Variants in SLC9A9 observed in about 807,000 individuals in gnomAD.
The protein encoded by SLC9A9 is solute carrier family 9 member A9.
Under a neutral mutation model 77.8 loss-of-function variants are expected in SLC9A9, and 62 were observed. The ratio of observed to expected loss-of-function variants is 0.80; its 90% CI spans 0.65 to 0.98. The LOEUF is 0.98. SLC9A9 is among the 50% of genes least tolerant of loss of function. The pLI, the probability that SLC9A9 is intolerant of heterozygous loss-of-function variation, is 0.00. For missense variants in SLC9A9, 775 were observed against 774.9 expected (o/e 1.00, Z 0.00); for synonymous variants, 320 against 283.5 (o/e 1.13, Z -1.29).
At chr3:143,790,180 C>A (rs1475376169) in intron 4 of SLC9A9, among the ~76,000 whole-genome samples, 1 of 152,142 alleles carries the variant, frequency 6.6e-6, no homozygotes, top group Non-Finnish European at 1.5e-5. Context: ...GAAGAGGTGC[C>A]TTCTGCCATG....
At chr3:143,523,550 G>A (rs191423629) in intron 9 of SLC9A9, among the ~76,000 whole-genome samples, 9 of 152,280 alleles carry the variant, frequency 5.9e-5, no homozygotes, top group African/African-American at 1.7e-4. Flanking sequence ...AAGACACAGC[G>A]TGAATCCCAG....
intron 11 of SLC9A9, among the ~76,000 whole-genome samples, chr3:143,475,296 G>A (rs186063190): frequency 1.4e-4 from 22 of 151,806 alleles, no homozygotes; most frequent in Admixed American, 3.9e-4. Flanking sequence ...GATCACCATC[G>A]GAAATGATCT....
At chr3:143,761,607 C>G (rs902098720) in intron 4 of SLC9A9, among the ~76,000 whole-genome samples, 7 of 152,120 alleles carry the variant, frequency 4.6e-5, no homozygotes, top group Admixed American at 4.6e-4. Flanking sequence ...TCATCACTGG[C>G]CATCAGAGAA....
intron 6 of SLC9A9, among the ~76,000 whole-genome samples, chr3:143,651,928 G>A (rs767508876): frequency 2.0e-5 from 3 of 152,086 alleles, no homozygotes; most frequent in Non-Finnish European, 4.4e-5. Context: ...CTTATATAAG[G>A]CGAAAAATTA....
At chr3:143,318,469 A>G (rs1443573795) in intron 14 of SLC9A9, among the ~76,000 whole-genome samples, 1 of 152,194 alleles carries the variant, frequency 6.6e-6, no homozygotes, top group Non-Finnish European at 1.5e-5. Context: ...GAGAAAAGTG[A>G]TTTGCTTGTT....
In SLC9A9 at chr3:143,597,470, G is replaced by T. The variant is rs372849767; in HGVS notation, c.756-18747C>A. ...CTGAAGGCAAGGGAGAACTGGCCTCGCAACCTTGCGTGGGGGTGGCCAATT... is the reference window on the plus strand; with the variant it reads ...CTGAAGGCAAGGGAGAACTGGCCTCTCAACCTTGCGTGGGGGTGGCCAATT... On this transcript the variant is annotated intron_variant, in intron 6 of 15. Transcript: ENST00000316549. Among the ~76,000 whole-genome samples the T allele has an allele frequency of 4.6e-5, 7 of 152,328 alleles. No homozygotes were observed. In the South Asian group the frequency reaches 6.2e-4, roughly 14 times the overall value.
At chr3:143,785,711 A>T (rs2008027822) in intron 4 of SLC9A9, among the ~76,000 whole-genome samples, 1 of 152,028 alleles carries the variant, frequency 6.6e-6, no homozygotes, top group Non-Finnish European at 1.5e-5. Context: ...GTGTGTGTAG[A>T]AGCAGAGTCA....
chr3:143,637,527 C>G (rs1455291133), intron 6 of SLC9A9, among the ~76,000 whole-genome samples: 1 of 152,050 alleles, frequency 6.6e-6, no homozygotes, highest in Non-Finnish European at 1.5e-5. Context: ...TTCAGCTTAT[C>G]CCTGTTTTGT....
chr3:143,781,629 T>C (rs1187128943), intron 4 of SLC9A9, among the ~76,000 whole-genome samples: 1 of 152,208 alleles, frequency 6.6e-6, no homozygotes, highest in Non-Finnish European at 1.5e-5. Context: ...GAAATCACGC[T>C]TACATTTTTA....
At chr3:143,492,504 C>CTAGGA (rs1462525250) in intron 11 of SLC9A9, among the ~76,000 whole-genome samples, 2 of 152,118 alleles carry the variant, frequency 1.3e-5, no homozygotes, top group Non-Finnish European at 2.9e-5. Context: ...ATGGACCAGG[C>CTAGGA]TAGGATGGCA....
chr3:143,617,482 T>A (rs1235479748), intron 6 of SLC9A9, among the ~76,000 whole-genome samples: 1 of 152,258 alleles, frequency 6.6e-6, no homozygotes, highest in African/African-American at 2.4e-5. Flanking sequence ...GTGGGCTTCA[T>A]CTGATTGCTA....
At chr3:143,615,874 C>CT (rs1337101881) in intron 6 of SLC9A9, among the ~76,000 whole-genome samples, 3 of 148,136 alleles carry the variant, frequency 2.0e-5, no homozygotes, top group Non-Finnish European at 4.5e-5. Context: ...AAATTTATAA[C>CT]TTTAAATTTC....
intron 12 of SLC9A9, among the ~76,000 whole-genome samples, chr3:143,433,420 T>G (rs1390147472): frequency 6.6e-6 from 1 of 152,204 alleles, no homozygotes; most frequent in African/African-American, 2.4e-5. Context: ...TGATAAGCAC[T>G]TCAGCAGATC....
chr3:143,697,695 C>T (rs1933680560), intron 4 of SLC9A9, among the ~76,000 whole-genome samples: 1 of 151,020 alleles, frequency 6.6e-6, no homozygotes, highest in Admixed American at 6.6e-5. Flanking sequence ...TGAGTACACA[C>T]ACACACACAC....
chr3:143,405,791 A>T (rs1216829334), intron 12 of SLC9A9, among the ~76,000 whole-genome samples: 1 of 152,216 alleles, frequency 6.6e-6, no homozygotes, highest in East Asian at 1.9e-4. Flanking sequence ...TTTTCATAAC[A>T]TTGAAACAGC....
At chr3:143,673,515 A>G (rs1320384533) in intron 5 of SLC9A9, among the ~76,000 whole-genome samples, 1 of 151,896 alleles carries the variant, frequency 6.6e-6, no homozygotes, top group Non-Finnish European at 1.5e-5. Flanking sequence ...ATACCAATCC[A>G]AATACAAATC....
chr3:143,412,927 G>T (rs1372623300), intron 12 of SLC9A9, among the ~76,000 whole-genome samples: 1 of 152,006 alleles, frequency 6.6e-6, no homozygotes, highest in Non-Finnish European at 1.5e-5. Context: ...GACCAATTCT[G>T]ATTTTTTCTT....
At chr3:143,393,402 T>G (rs1040894544) in intron 12 of SLC9A9, among the ~76,000 whole-genome samples, 2 of 152,026 alleles carry the variant, frequency 1.3e-5, no homozygotes, top group East Asian at 3.8e-4. Context: ...TTGAAACCAA[T>G]GAGAACAAAG....
intron 6 of SLC9A9, among the ~76,000 whole-genome samples, chr3:143,622,414 C>T (rs1247383185): frequency 6.6e-6 from 1 of 152,214 alleles, no homozygotes; most frequent in Non-Finnish European, 1.5e-5. Flanking sequence ...AACAGCTGAT[C>T]TCTCGGCAGA....
Sources: gnomAD v4.1 joint callset for allele counts (sites outside exome capture counted in the v4.1 genomes callset) on GRCh38, gnomAD v4.1.1 for gene constraint, MANE v1.5 for transcripts, NCBI Gene and HGNC (gene_info 2026-07-23, HGNC 2026-07-21) for gene names.